The following SON variants were observed in gnomAD, a reference collection of about 807,000 sequenced individuals.
SON encodes the protein SON DNA and RNA binding protein.
SON carries 4 observed loss-of-function variants against 173.3 expected under a neutral mutation model. The observed-to-expected ratio is 0.02, with a 90% CI of 0.01 to 0.05. SON has a LOEUF of 0.05. Ranked by LOEUF, SON falls within the 10% of genes least tolerant of loss-of-function variation. SON has a pLI of 1.00. For missense variants in SON, 2,626 were observed against 3,055.3 expected (o/e 0.86, Z 3.31); for synonymous variants, 1,190 against 1,105.9 (o/e 1.08, Z -1.51).
At position 33,553,997 on chromosome 21, in the gene SON, C is replaced by T. The variant is rs766809102; in HGVS notation, c.4766C>T (p.Ala1589Val). The T allele has an allele frequency of 5.0e-6, 8 of 1,613,972 alleles. No homozygotes were observed. The East Asian group carries it at 1.8e-4, about 36-fold the overall frequency. ...DTYPGVSEAD[A>V]GETLSSTGPF... ...TACCCTGGTGTTAGTGAAGCTGATG[C>T]AGGAGAAACTCTATCTTCTACTGGT... The change falls in exon 3 of 12, where the codon GCA (alanine) becomes GTA (valine). Residue 1589 changes from alanine to valine, a missense_variant. Coordinates refer to ENST00000356577, the MANE Select transcript of SON (RefSeq NM_138927.4).
At chr21:33,568,880 C>G (rs911019168) in intron 7 of SON, 91 bp from the exon 8 acceptor site, 6 of 709,824 alleles carry the variant, frequency 8.5e-6, no homozygotes, top group Admixed American at 5.0e-5. Context: ...ATATTTAAGT[C>G]TGCTTTTCAG....
At position 33,549,883 on chromosome 21, in the gene SON, T is replaced by C; in HGVS notation, c.652T>C (p.Ser218Pro). The change falls in exon 3 of 12, where the codon TCT (serine) becomes CCT (proline). Residue 218 changes from serine (S) to proline (P), a missense_variant. This residue lies in a region of SON where 757 missense variants were observed against 730.1 expected (regional missense o/e 1.04). Coordinates refer to ENST00000356577, the MANE Select transcript of SON (RefSeq NM_138927.4). ...ATKTAELSVV[S>P]TSVISEQSEQ... Reference sequence around the variant, plus strand: ...AAAAACTGCAGAACTGTCAGTTGTATCTACATCAGTAATCTCAGAGCAGTC... The same window carrying C: ...AAAAACTGCAGAACTGTCAGTTGTACCTACATCAGTAATCTCAGAGCAGTC... 6.2e-7 allele frequency: 1 copy of C among 1,614,254 alleles called. No homozygotes were observed. Among genetic ancestry groups the C allele is most frequent in the Non-Finnish European group, 8.5e-7 (1 of 1,180,044 alleles).
intron 6 of SON, among the ~76,000 whole-genome samples, chr21:33,564,596 C>T (rs768939111): frequency 3.3e-5 from 5 of 152,206 alleles, no homozygotes; most frequent in Non-Finnish European, 5.9e-5. Flanking sequence ...CACAGTGGCT[C>T]ACGCCTGTAA....
Position 33,559,205 on chromosome 21 carries a change from C to G in SON, c.6322-25C>G. ...GTTCTACATAAAGCGTAAGATTTAT[C>G]TTTTGTTTGTTTTTACTTTTAAAGA... is the stretch of plus-strand genomic sequence containing the variant. On this transcript the variant is annotated intron_variant, in intron 4 of 11. Coordinates refer to ENST00000356577, the MANE Select transcript of SON (RefSeq NM_138927.4). The surrounding 1 kb of genome is among the most constrained non-coding windows in gnomAD (Gnocchi z 4.1). 1 of 1,505,206 alleles carries G rather than the reference C, an allele frequency of 6.6e-7. No homozygotes were observed. Among genetic ancestry groups the G allele is most frequent in the Non-Finnish European group, 8.9e-7 (1 of 1,122,592 alleles). 93.2% of individuals were successfully genotyped at this position (1,505,206 alleles called of 1,614,324 possible).
chr21:33,549,628 C>T lies in SON; in HGVS notation c.397C>T (p.Pro133Ser), dbSNP rs1291215830. The change falls in exon 3 of 12, where the codon CCA becomes TCA. Residue 133 changes from proline (P) to serine (S), a missense_variant. Physicochemically the swap from Pro to Ser is moderately conservative, Grantham distance 74 (BLOSUM62 -1). Coordinates refer to ENST00000356577, the MANE Select transcript of SON (RefSeq NM_138927.4). ...KEKEKKYKRQ[P>S]EESESKTKSH... ...AAAGGAAAAAAAATATAAAAGACAG[C>T]CAGAAGAATCTGAGTCAAAGACGAA... 6.2e-7 allele frequency: 1 copy of T among 1,605,940 alleles called. No homozygotes were observed. The highest frequency in any genetic ancestry group is 8.5e-7 in the Non-Finnish European group (1 of 1,177,578).
chr21:33,549,918 T>G lies in SON; in HGVS notation c.687T>G (p.Ser229=). 17 of 1,614,230 alleles carry G rather than the reference T, an allele frequency of 1.1e-5. No homozygotes were observed. The highest frequency in any genetic ancestry group is 1.4e-5 in the Non-Finnish European group (17 of 1,180,046). ...TSVISEQSEQ[S]VAVMPEPSMT... Reference sequence around the variant, plus strand: ...TAATCTCAGAGCAGTCAGAGCAGTCTGTGGCAGTAATGCCAGAACCATCCA... The same window carrying G: ...TAATCTCAGAGCAGTCAGAGCAGTCGGTGGCAGTAATGCCAGAACCATCCA... Residue 229 remains serine (S), a synonymous_variant, in exon 3 of 12, where the codon TCT becomes TCG. Transcript: ENST00000356577.
At chr21:33,557,097 G>A in intron 3 of SON, 59 bp from the exon 4 acceptor site, 2 of 1,491,840 alleles carry the variant, frequency 1.3e-6, no homozygotes, top group South Asian at 1.2e-5. Context: ...TTAGACTTTT[G>A]GTAATACAAA....
Position 33,553,669 on chromosome 21 carries a change from T to G in SON, c.4438T>G (p.Ser1480Ala). The change falls in exon 3 of 12, where the codon TCA (serine) becomes GCA (alanine). Residue 1480 changes from serine to alanine, a missense_variant. Coordinates refer to ENST00000356577, the MANE Select transcript of SON (RefSeq NM_138927.4). ...TPMILESSIMSSHVMKGINLS... is the reference protein window; with the variant it reads ...TPMILESSIMASHVMKGINLS... Reference sequence around the variant, plus strand: ...AATGATACTGGAATCTAGTATCATGTCATCACATGTTATGAAAGGAATTAA... The same window carrying G: ...AATGATACTGGAATCTAGTATCATGGCATCACATGTTATGAAAGGAATTAA... The G allele has an allele frequency of 6.2e-7, 1 of 1,614,002 alleles. No individual in the cohort carries two copies. Among genetic ancestry groups the G allele is most frequent in the East Asian group, 2.2e-5 (1 of 44,886 alleles).
chr21:33,559,421 GAACTATTTAAATAA>G lies in SON; in HGVS notation c.6468+49_6468+62del. ...GATTGGTAAAACAGTGTAACTTGTG[GAACTATTTAAATAA>G]AACCCAAATCGAATTTAGTTTATTA... On this transcript the variant is annotated intron_variant, in intron 5 of 11. Coordinates refer to ENST00000356577, the MANE Select transcript of SON (RefSeq NM_138927.4). The surrounding 1 kb of genome is among the most constrained non-coding windows in gnomAD (Gnocchi z 4.1). 1 of 1,550,146 alleles carries G rather than the reference GAACTATTTAAATAA, an allele frequency of 6.5e-7. No individual in the cohort carries two copies. Among genetic ancestry groups the G allele is most frequent in the Non-Finnish European group, 8.7e-7 (1 of 1,150,460 alleles).
intron 7 of SON, among the ~76,000 whole-genome samples, chr21:33,568,705 T>C (rs1312267870): frequency 6.6e-6 from 1 of 152,202 alleles, no homozygotes; most frequent in Non-Finnish European, 1.5e-5. Flanking sequence ...GCATTTTTAG[T>C]GTATCTGTGT....
chr21:33,564,077 T>G (rs1372533703), intron 6 of SON, among the ~76,000 whole-genome samples: 1 of 152,212 alleles, frequency 6.6e-6, no homozygotes, highest in Non-Finnish European at 1.5e-5. Context: ...AAACTAAGGC[T>G]TGTTGGTGAC....
At chr21:33,572,498 G>A in intron 8 of SON, 1 of 1,110,434 alleles carries the variant, frequency 9.0e-7, no homozygotes, top group Admixed American at 2.3e-5. Flanking sequence ...AGAGATGACT[G>A]TTCACAGAAT....
chr21:33,569,240 G>A (rs557383575), intron 8 of SON, 153 bp downstream of exon 8: 38 of 556,258 alleles, frequency 6.8e-5, no homozygotes, highest in Admixed American at 3.4e-4. Flanking sequence ...CACTGAAGAC[G>A]GACTGGATTC....
At chr21:33,560,398 T>G in intron 6 of SON, 1 of 1,131,934 alleles carries the variant, frequency 8.8e-7, no homozygotes, top group East Asian at 4.7e-5. Context: ...TCCCTTCTCC[T>G]TCCCCTCTTT....
chr21:33,554,802 T>C lies in SON; in HGVS notation c.5571T>C (p.His1857=). The C allele has an allele frequency of 6.2e-7, 1 of 1,613,888 alleles. No homozygotes were observed. Among genetic ancestry groups the C allele is most frequent in the Non-Finnish European group, 8.5e-7 (1 of 1,180,020 alleles). The change falls in exon 3 of 12, where the codon CAT becomes CAC. Residue 1857 remains histidine (H), a synonymous_variant. Coordinates refer to ENST00000356577, the MANE Select transcript of SON (RefSeq NM_138927.4). ...ARKRSSKSKS[H]RSQTRSRSRS... is the part of the protein sequence containing the mutation. ...AGAGATCATCTAAGTCCAAGTCTCA[T>C]CGCTCTCAGACACGTTCACGGTCAC... is the stretch of plus-strand genomic sequence containing the variant.
chr21:33,552,393 T>C lies in SON; in HGVS notation c.3162T>C (p.Ala1054=), dbSNP rs1269550518. 1.2e-6 allele frequency: 2 copies of C among 1,613,962 alleles called. No individual in the cohort carries two copies. Among genetic ancestry groups the C allele is most frequent in the African/African-American group, 2.7e-5 (2 of 74,968 alleles). ...AGCGCTCTATGATGTCCCCTATGGCTGAGCGCTCTATGATGTCAGCTTATG... is the reference window on the plus strand; with the variant it reads ...AGCGCTCTATGATGTCCCCTATGGCCGAGCGCTCTATGATGTCAGCTTATG... ...AYERSMMSPM[A]ERSMMSAYER... Residue 1054 remains alanine (A), a synonymous_variant, in exon 3 of 12, where the codon GCT becomes GCC. Coordinates refer to ENST00000356577, the MANE Select transcript of SON (RefSeq NM_138927.4). The surrounding 1 kb of genome is among the most constrained non-coding windows in gnomAD (Gnocchi z 5.6).
rs768007572 is a variant in SON at position 33,550,707 on chromosome 21, A to G, written c.1476A>G (p.Pro492=). The G allele has an allele frequency of 3.1e-6, 5 of 1,613,952 alleles. No homozygotes were observed. Among genetic ancestry groups the G allele is most frequent in the Non-Finnish European group, 4.2e-6 (5 of 1,179,924 alleles). Residue 492 remains proline (P), a synonymous_variant, in exon 3 of 12, where the codon CCA becomes CCG. Coordinates refer to ENST00000356577, the MANE Select transcript of SON (RefSeq NM_138927.4). ...TGGTGACAGCAGCAGTAGAGTTGCC[A>G]GAGCAGCCTGCGGTAACAGTAGCAA... is the stretch of plus-strand genomic sequence containing the variant. ...LPLVTAAVEL[P]EQPAVTVAME...
In SON at chr21:33,567,553, T is replaced by G. The variant is rs372437823; in HGVS notation, c.6768+286T>G. ...TTACAATCTGGTGTATAAAAACAAC[T>G]AAGTGCCTACAACCCTATGAAATGT... On this transcript the variant is annotated intron_variant, in intron 7 of 11. Transcript: ENST00000356577. 8 of 369,706 alleles carry G rather than the reference T, an allele frequency of 2.2e-5. No homozygotes were observed. In the East Asian group the frequency reaches 2.7e-4, roughly 13 times the overall value. 22.9% of individuals were successfully genotyped at this position (369,706 alleles called of 1,614,324 possible).
Position 33,567,271 on chromosome 21 carries a change from T to G in SON, c.6768+4T>G. Reference sequence around the variant, plus strand: ...GTTAAATAGAGCTCAGGAAAGGGTATGTAGCAGTTTTTTAAAAAAAATTAT... The same window carrying G: ...GTTAAATAGAGCTCAGGAAAGGGTAGGTAGCAGTTTTTTAAAAAAAATTAT... On this transcript the variant is annotated splice_donor_region_variant and intron_variant, in intron 7 of 11. Transcript: ENST00000356577. 1 of 1,513,986 alleles carries G rather than the reference T, an allele frequency of 6.6e-7. No homozygotes were observed. Among genetic ancestry groups the G allele is most frequent in the Non-Finnish European group, 9.2e-7 (1 of 1,088,550 alleles). The allele number at this position is 1,513,986 out of a possible 1,614,324, so 93.8% of individuals were successfully genotyped here.
Sources: allele counts gnomAD v4.1 joint callset (sites outside exome capture counted in the v4.1 genomes callset), GRCh38; gene constraint gnomAD v4.1.1; regional missense constraint gnomAD v4.1.1; non-coding constraint Gnocchi (gnomAD v3.1); transcripts MANE v1.5; gene names NCBI Gene and HGNC (gene_info 2026-07-23, HGNC 2026-07-21).